The following PCDHGA5 variants were observed in gnomAD, a reference collection of about 807,000 sequenced individuals.
The protein encoded by PCDHGA5 is protocadherin gamma subfamily A, 5.
PCDHGA5 carries 36 observed loss-of-function variants against 56.7 expected under a neutral mutation model. The ratio of observed to expected loss-of-function variants is 0.64; its 90% CI spans 0.49 to 0.84. The LOEUF (loss-of-function observed/expected upper bound fraction) is 0.84. PCDHGA5 is among the 40% of genes least tolerant of loss of function. PCDHGA5 has a pLI of 0.00. For synonymous variants in PCDHGA5, 563 were observed against 520.2 expected (o/e 1.08, Z -1.12); for missense variants, 1,305 against 1,201.5 (o/e 1.09, Z -1.27).
At chr5:141,471,743 C>T (rs769600930) in intron 1 of PCDHGA5, among the ~76,000 whole-genome samples, 2 of 152,142 alleles carry the variant, frequency 1.3e-5, no homozygotes, top group Non-Finnish European at 2.9e-5. Flanking sequence ...GGAGACATAA[C>T]ATATTTGAGG....
chr5:141,374,747 C>G, intron 1 of PCDHGA5: 1 of 1,612,140 alleles, frequency 6.2e-7, no homozygotes, highest in Non-Finnish European at 8.5e-7. Flanking sequence ...CGACCCTGTC[C>G]GCTCAAGCGT....
At chr5:141,441,173 C>G (rs2098230611) in intron 1 of PCDHGA5, 1 of 152,180 alleles carries the variant, frequency 6.6e-6, no homozygotes, top group South Asian at 2.1e-4. Context: ...ATTTTTACTT[C>G]TAATTCCACA....
intron 1 of PCDHGA5, chr5:141,408,465 A>C: frequency 6.2e-7 from 1 of 1,613,960 alleles, no homozygotes. Context: ...CTTGTGAAGA[A>C]CCGAATAGAC....
chr5:141,410,420 C>T (rs1426515605), intron 1 of PCDHGA5: 4 of 1,613,926 alleles, frequency 2.5e-6, no homozygotes, highest in Non-Finnish European at 3.4e-6. Flanking sequence ...ACCTGTAGTT[C>T]CCCCCAACTA....
intron 1 of PCDHGA5, chr5:141,408,349 C>T: frequency 6.2e-7 from 1 of 1,613,924 alleles, no homozygotes; most frequent in Non-Finnish European, 8.5e-7. Context: ...TGGTGGGGAA[C>T]CTCGCTAAGG....
chr5:141,423,488 ATTC>A, intron 1 of PCDHGA5: 1 of 1,613,954 alleles, frequency 6.2e-7, no homozygotes, highest in Non-Finnish European at 8.5e-7. Flanking sequence ...CTGCAAACCT[ATTC>A]CCACGAGGTC....
chr5:141,364,640 G>T lies in PCDHGA5; in HGVS notation c.310G>T (p.Val104Leu). ...ELCAQSPLCVVNFNILVENKM... is the reference protein window; with the variant it reads ...ELCAQSPLCVLNFNILVENKM... ...CTGCGCTCAGAGCCCACTGTGTGTG[G>T]TGAACTTTAACATCTTGGTTGAGAA... is the stretch of plus-strand genomic sequence containing the variant. The change falls in exon 1 of 4, where the codon GTG becomes TTG. Residue 104 changes from valine (V) to leucine (L), a missense_variant. Val to Leu is a conservative substitution (Grantham distance 32). Coordinates refer to ENST00000518069, the MANE Select transcript of PCDHGA5 (RefSeq NM_018918.3). 1 of 1,614,130 alleles carries T rather than the reference G, an allele frequency of 6.2e-7. No individual in the cohort carries two copies. The highest frequency in any genetic ancestry group is 8.5e-7 in the Non-Finnish European group (1 of 1,179,958).
intron 1 of PCDHGA5, among the ~76,000 whole-genome samples, chr5:141,455,428 GA>G (rs2098822635): frequency 6.6e-6 from 1 of 152,176 alleles, no homozygotes; most frequent in Non-Finnish European, 1.5e-5. Context: ...GGCTCCAAAA[GA>G]GGAGGTCCCC....
At chr5:141,422,420 C>A in intron 1 of PCDHGA5, 2 of 1,607,576 alleles carry the variant, frequency 1.2e-6, no homozygotes, top group Non-Finnish European at 1.7e-6. Context: ...TTAGAAAAGA[C>A]TTATGGAAAT....
chr5:141,386,365 A>G (rs1014338903), intron 1 of PCDHGA5, among the ~76,000 whole-genome samples: 2 of 152,278 alleles, frequency 1.3e-5, no homozygotes. Flanking sequence ...GATTCCAGAG[A>G]CCTTTGAGTA....
At position 141,490,524 on chromosome 5, in the gene PCDHGA5, T is replaced by C. The variant is rs1197866164; in HGVS notation, c.2422-4283T>C. The C allele has an allele frequency of 1.2e-6, 2 of 1,613,990 alleles. No homozygotes were observed. Among genetic ancestry groups the C allele is most frequent in the Non-Finnish European group, 1.7e-6 (2 of 1,180,018 alleles). On this transcript the variant is annotated intron_variant, in intron 1 of 3. Transcript: ENST00000518069. The surrounding 1 kb of genome is among the most constrained non-coding windows in gnomAD (Gnocchi z 5.4). ...ATATCATCGAGCTGCTGGCCAGCGA[T>C]GCTGGTTCACCTTCCCTACACAAAC...
chr5:141,398,812 C>A, intron 1 of PCDHGA5: 1 of 1,613,942 alleles, frequency 6.2e-7, no homozygotes, highest in South Asian at 1.1e-5. Context: ...CACTGAGCTC[C>A]GGATCCAGGT....
At chr5:141,399,708 A>C (rs769072460) in intron 1 of PCDHGA5, 50 of 1,613,374 alleles carry the variant, frequency 3.1e-5, no homozygotes, top group Non-Finnish European at 4.2e-5. Context: ...TCGAACTCAC[A>C]CTACAGGCCC....
chr5:141,403,969 T>C (rs1437416293), intron 1 of PCDHGA5: 2 of 1,613,808 alleles, frequency 1.2e-6, no homozygotes, highest in Non-Finnish European at 1.7e-6. Context: ...CGGTGGAAGA[T>C]GTAAATGACA....
At chr5:141,370,582 C>T (rs1455382111) in intron 1 of PCDHGA5, 1 of 1,613,890 alleles carries the variant, frequency 6.2e-7, no homozygotes, top group Non-Finnish European at 8.5e-7. Context: ...GATTTACCTA[C>T]TAGGAACCTG....
chr5:141,482,591 A>G lies in PCDHGA5; in HGVS notation c.2422-12216A>G, dbSNP rs115650612. Among the ~76,000 whole-genome samples the G allele has an allele frequency of 6.3e-4, 95 of 151,838 alleles. 1 individual carries two copies. The highest frequency in any genetic ancestry group is 2.3e-3 in the African/African-American group (95 of 41,350). On this transcript the variant is annotated intron_variant, in intron 1 of 3. Coordinates refer to ENST00000518069, the MANE Select transcript of PCDHGA5 (RefSeq NM_018918.3). ...ATAGCATAAGATGCAGTGGGACCAA[A>G]CGGGAAAAAACACCTAAATGAGCCT...
At position 141,384,817 on chromosome 5, in the gene PCDHGA5, C is replaced by A. The variant is rs373370095; in HGVS notation, c.2421+18066C>A. 2.5e-6 allele frequency: 4 copies of A among 1,613,416 alleles called. No homozygotes were observed. The South Asian group carries it at 4.4e-5, about 18-fold the overall frequency. On this transcript the variant is annotated intron_variant, in intron 1 of 3. Coordinates refer to ENST00000518069, the MANE Select transcript of PCDHGA5 (RefSeq NM_018918.3). ...CCTGCTGGACAGAGATGCCCTCAAG[C>A]AGAGCCTCGTGGTGGCCGTCCAGGA...
In PCDHGA5 at chr5:141,431,779, G is replaced by A; in HGVS notation, c.2422-63028G>A. 2 of 1,614,232 alleles carry A rather than the reference G, an allele frequency of 1.2e-6. No individual in the cohort carries two copies. Among genetic ancestry groups the A allele is most frequent in the Non-Finnish European group, 1.7e-6 (2 of 1,180,030 alleles). ...AAGTCCTGATCACTGTTCTGGACGT[G>A]AACGACAATGCCCCAGAAGTGGTCC... On this transcript the variant is annotated intron_variant, in intron 1 of 3. Transcript: ENST00000518069. This position sits in a 1 kb window ranked among gnomAD's most constrained non-coding sequence, Gnocchi z 4.8.
At chr5:141,427,683 G>A (rs761750638) in intron 1 of PCDHGA5, 3 of 836,052 alleles carry the variant, frequency 3.6e-6, no homozygotes, top group South Asian at 2.8e-5. Flanking sequence ...CCTTCCCGGA[G>A]CCTCCATCCC....
Sources: gnomAD v4.1 joint callset for allele counts (sites outside exome capture counted in the v4.1 genomes callset) on GRCh38, gnomAD v4.1.1 for gene constraint, Gnocchi (gnomAD v3.1) non-coding constraint, MANE v1.5 for transcripts, NCBI Gene and HGNC (gene_info 2026-07-23, HGNC 2026-07-21) for gene names.